SPARCL1: variants seen among roughly 807,000 people sequenced by gnomAD.
The protein encoded by SPARCL1 is SPARC like 1, also known as SPARC-like protein 1.
In SPARCL1, 52 loss-of-function variants were observed where a neutral mutation model predicts 67.1. The observed-to-expected ratio is 0.78, with a 90% CI of 0.62 to 0.98. SPARCL1 has a LOEUF of 0.98. Ranked by LOEUF, SPARCL1 falls within the 50% of genes least tolerant of loss-of-function variation. SPARCL1 has a pLI of 0.00. For missense variants in SPARCL1, 717 were observed against 782.4 expected (o/e 0.92, Z 1.00); for synonymous variants, 226 against 267.8 (o/e 0.84, Z 1.52).
intron 1 of SPARCL1, among the ~76,000 whole-genome samples, chr4:87,520,246 CAAAA>C (rs71667860): frequency 3.8e-5 from 4 of 105,228 alleles, no homozygotes; most frequent in African/African-American, 1.2e-4. Flanking sequence ...GACACTGTCT[CAAAA>C]AAAAAAAAAA....
chr4:87,494,928 A>G (rs2110230448), intron 3 of SPARCL1, 53 bp downstream of exon 3: 2 of 1,470,670 alleles, frequency 1.4e-6, no homozygotes, highest in South Asian at 1.3e-5. Context: ...CTTTGAAACT[A>G]AGACCTTTGG....
intron 7 of SPARCL1, among the ~76,000 whole-genome samples, chr4:87,484,290 T>G (rs1191611139): frequency 6.6e-6 from 1 of 152,214 alleles, no homozygotes; most frequent in Non-Finnish European, 1.5e-5. Context: ...CAGTTTCAGT[T>G]TTCTGCATAT....
chr4:87,525,606 A>C (rs1726007098), intron 1 of SPARCL1, among the ~76,000 whole-genome samples: 1 of 152,168 alleles, frequency 6.6e-6, no homozygotes, highest in Non-Finnish European at 1.5e-5. Flanking sequence ...CCTGTATGCC[A>C]CAGTAAACTA....
chr4:87,486,888 C>CTTTTTCTT (rs1724084343), intron 7 of SPARCL1, among the ~76,000 whole-genome samples: 1 of 27,968 alleles, frequency 3.6e-5, no homozygotes, highest in Non-Finnish European at 7.1e-5. Context: ...GCAATTCCTG[C>CTTTTTCTT]TTTTTTTTTT....
intron 1 of SPARCL1, among the ~76,000 whole-genome samples, chr4:87,515,948 G>C (rs1319639297): frequency 6.6e-6 from 1 of 152,204 alleles, no homozygotes; most frequent in Non-Finnish European, 1.5e-5. Flanking sequence ...CCTGTTGAGA[G>C]GTGGAGTCTA....
At chr4:87,490,246 T>A in intron 7 of SPARCL1, 27 bp downstream of exon 7, 1 of 1,591,290 alleles carries the variant, frequency 6.3e-7, no homozygotes, top group Non-Finnish European at 8.5e-7. Flanking sequence ...TCAGAGATGA[T>A]GGTTGACAGG....
intron 7 of SPARCL1, among the ~76,000 whole-genome samples, chr4:87,489,669 C>CT (rs1300132229): frequency 6.6e-6 from 1 of 152,142 alleles, no homozygotes; most frequent in East Asian, 1.9e-4. Context: ...ACATAGATGA[C>CT]TTTTTTCACA....
chr4:87,505,579 CAG>C (rs1322082703), intron 1 of SPARCL1, among the ~76,000 whole-genome samples: 1 of 151,946 alleles, frequency 6.6e-6, no homozygotes. Flanking sequence ...ATTTTTGAGA[CAG>C]GGTCTTGCTC....
rs757102793 is a variant in SPARCL1, at chr4:87,493,764, C to T, written c.1036G>A (p.Asp346Asn). Reference protein sequence around the residue: ...GVDDDGDDDGDDGGTDGPRHS... With the variant: ...GVDDDGDDDGNDGGTDGPRHS... Reference sequence around the variant, plus strand: ...CTGGGGCCATCAGTGCCGCCATCATCGCCATCATCATCGCCATCATCATCA... The same window carrying T: ...CTGGGGCCATCAGTGCCGCCATCATTGCCATCATCATCGCCATCATCATCA... Residue 346 changes from aspartate (D) to asparagine (N), a missense_variant, in exon 4 of 11, where the codon GAT becomes AAT. Asp to Asn is a conservative substitution (Grantham distance 23). Transcript: ENST00000282470. 19 of 1,613,906 alleles carry T rather than the reference C, an allele frequency of 1.2e-5. No individual in the cohort carries two copies. In the East Asian group the frequency reaches 2.2e-4, roughly 19 times the overall value.
Position 87,490,246 on chromosome 4 carries a change from T to C in SPARCL1, c.1531+27A>G, listed in dbSNP as rs768859729. 14 of 1,591,170 alleles carry C rather than the reference T, an allele frequency of 8.8e-6. No homozygotes were observed. The South Asian group carries it at 9.3e-5, about 11-fold the overall frequency. On this transcript the variant is annotated intron_variant, in intron 7 of 10. Transcript: ENST00000282470. ...TCACCCCAAGCCCTCTCAGAGATGA[T>C]GGTTGACAGGAGGGACATAATCTTA... is the stretch of plus-strand genomic sequence containing the variant.
intron 8 of SPARCL1, 101 bp from the exon 9 acceptor site, chr4:87,480,621 G>T: frequency 9.1e-7 from 1 of 1,104,798 alleles, no homozygotes; most frequent in Non-Finnish European, 1.3e-6. Flanking sequence ...AACACGATAG[G>T]GGAAAACAAG....
At chr4:87,515,637 G>A (rs1350354637) in intron 1 of SPARCL1, among the ~76,000 whole-genome samples, 1 of 152,138 alleles carries the variant, frequency 6.6e-6, no homozygotes, top group Non-Finnish European at 1.5e-5. Flanking sequence ...AAACTTTCAG[G>A]AGAACCTCAG....
At chr4:87,486,777 G>T (rs1031994238) in intron 7 of SPARCL1, among the ~76,000 whole-genome samples, 126 of 151,348 alleles carry the variant, frequency 8.3e-4, no homozygotes, top group African/African-American at 2.9e-3. Context: ...AGGATAGTTA[G>T]CTCTTCTTGT....
intron 10 of SPARCL1, among the ~76,000 whole-genome samples, chr4:87,474,160 A>G (rs941042684): frequency 6.6e-6 from 1 of 152,224 alleles, no homozygotes; most frequent in Non-Finnish European, 1.5e-5. Flanking sequence ...GAGCTGAAAA[A>G]TAATGGAAAT....
Position 87,479,605 on chromosome 4 carries a change from T to A in SPARCL1, c.1818-27A>T. On this transcript the variant is annotated intron_variant, in intron 9 of 10. Transcript: ENST00000282470. The stretch of plus-strand genomic sequence containing the variant: ...TGCAATGAAATACATGGCATCCTAT[T>A]AATTGAGTAGCTTGTGCATGAAGAT... The A allele has an allele frequency of 2.5e-6, 4 of 1,609,728 alleles. No individual in the cohort carries two copies. The South Asian group carries it at 4.4e-5, about 18-fold the overall frequency.
intron 10 of SPARCL1, among the ~76,000 whole-genome samples, chr4:87,475,140 G>A (rs1404394136): frequency 6.6e-6 from 1 of 152,056 alleles, no homozygotes; most frequent in Non-Finnish European, 1.5e-5. Context: ...ATGCTCTGTA[G>A]CTTTTCTAGG....
chr4:87,494,117 T>C lies in SPARCL1; in HGVS notation c.683A>G (p.His228Arg). The C allele has an allele frequency of 3.7e-6, 6 of 1,613,870 alleles. No individual in the cohort carries two copies. The highest frequency in any genetic ancestry group is 5.1e-6 in the Non-Finnish European group (6 of 1,180,018). The change falls in exon 4 of 11, where the codon CAT becomes CGT. Residue 228 changes from histidine (H) to arginine (R), a missense_variant. Coordinates refer to ENST00000282470, the MANE Select transcript of SPARCL1 (RefSeq NM_004684.6). The stretch of plus-strand genomic sequence containing the variant: ...GTCTTCCTCCTGCTTGCTGTTAGCA[T>C]GCTCCCTGGGCAATTCTGTCTTTCT... Reference protein sequence around the residue: ...QERKTELPREHANSKQEEDNT... With the variant: ...QERKTELPRERANSKQEEDNT...
intron 1 of SPARCL1, among the ~76,000 whole-genome samples, chr4:87,523,896 G>A (rs1342742189): frequency 6.6e-6 from 1 of 152,138 alleles, no homozygotes; most frequent in Non-Finnish European, 1.5e-5. Flanking sequence ...GGCACCTTAT[G>A]TTTGGTCCTA....
chr4:87,513,646 T>G (rs902699602), intron 1 of SPARCL1, among the ~76,000 whole-genome samples: 1 of 152,100 alleles, frequency 6.6e-6, no homozygotes, highest in Non-Finnish European at 1.5e-5. Context: ...GTAATATCAT[T>G]AGAGTCATTT....
Sources: gnomAD v4.1 joint callset for allele counts (sites outside exome capture counted in the v4.1 genomes callset) on GRCh38, gnomAD v4.1.1 for gene constraint, MANE v1.5 for transcripts, NCBI Gene and HGNC (gene_info 2026-07-23, HGNC 2026-07-21) for gene names.